KLF12: variants seen among roughly 807,000 people sequenced by gnomAD.
KLF12 encodes KLF transcription factor 12, also known as Krueppel-like factor 12.
KLF12 carries 9 observed loss-of-function variants against 37.8 expected under a neutral mutation model. That is an observed-to-expected ratio of 0.24 (90% CI 0.14 to 0.42). KLF12 has a LOEUF of 0.42. Among genes scored for constraint, KLF12 ranks in the 10% least tolerant of loss-of-function variants. KLF12 has a pLI of 1.00. For synonymous variants in KLF12, 208 were observed against 202.1 expected (o/e 1.03, Z -0.25); for missense variants, 411 against 516.0 (o/e 0.80, Z 1.97).
intron 6 of KLF12, among the ~76,000 whole-genome samples, chr13:73,735,180 C>T (rs183120889): frequency 6.6e-6 from 1 of 150,660 alleles, no homozygotes; most frequent in East Asian, 2.0e-4. Flanking sequence ...GCCTGTGGTC[C>T]CAGTAACTTG....
chr13:73,802,720 A>G (rs1490705938), intron 5 of KLF12, among the ~76,000 whole-genome samples: 2 of 152,258 alleles, frequency 1.3e-5, no homozygotes, highest in East Asian at 1.9e-4. Context: ...AACATGTGGT[A>G]TTTGGTTTTC....
the KLF12 span, among the ~76,000 whole-genome samples, chr13:74,283,984 C>T: frequency 6.6e-6 from 1 of 151,648 alleles, no homozygotes; most frequent in African/African-American, 2.4e-5. Flanking sequence ...CTCAGCCTCC[C>T]GTAGCTGGGA....
At chr13:74,018,524 T>C (rs1288551004) in intron 1 of KLF12, among the ~76,000 whole-genome samples, 2 of 152,230 alleles carry the variant, frequency 1.3e-5, no homozygotes, top group Non-Finnish European at 2.9e-5. Flanking sequence ...ACGGTGTATA[T>C]GTACTTCAAA....
chr13:74,222,536 C>A, the KLF12 span, among the ~76,000 whole-genome samples: 4,944 of 152,264 alleles, frequency 0.032, 118 homozygotes, highest in Middle Eastern at 0.071. Flanking sequence ...TACAGACCAA[C>A]TTTATTCCCC....
At chr13:73,956,646 C>A (rs1241504837) in intron 2 of KLF12, among the ~76,000 whole-genome samples, 1 of 152,158 alleles carries the variant, frequency 6.6e-6, no homozygotes, top group Non-Finnish European at 1.5e-5. Flanking sequence ...TTTGTCCAGG[C>A]ATGCTGGGTC....
chr13:73,757,249 G>A (rs1311410481), intron 6 of KLF12, among the ~76,000 whole-genome samples: 1 of 152,158 alleles, frequency 6.6e-6, no homozygotes, highest in African/African-American at 2.4e-5. Context: ...CAGCCCCTTA[G>A]CTATTAGTTA....
chr13:73,754,513 T>C (rs1005268040), intron 6 of KLF12, among the ~76,000 whole-genome samples: 1 of 152,160 alleles, frequency 6.6e-6, no homozygotes, highest in Non-Finnish European at 1.5e-5. Flanking sequence ...TGTAGTTTAG[T>C]GGTGCTTCTG....
chr13:74,080,159 C>T (rs1488986315), intron 1 of KLF12, among the ~76,000 whole-genome samples: 1 of 152,172 alleles, frequency 6.6e-6, no homozygotes, highest in Non-Finnish European at 1.5e-5. Flanking sequence ...AAGTTCCAAG[C>T]CAGGTGTGGT....
intron 5 of KLF12, among the ~76,000 whole-genome samples, chr13:73,811,391 T>C (rs1029412234): frequency 3.3e-5 from 5 of 152,224 alleles, no homozygotes; most frequent in Admixed American, 6.5e-5. Flanking sequence ...ATTATGTGAC[T>C]GGAAAAGTCA....
At chr13:74,299,937 G>T in the KLF12 span, among the ~76,000 whole-genome samples, 1 of 152,094 alleles carries the variant, frequency 6.6e-6, no homozygotes, top group African/African-American at 2.4e-5. Context: ...GCTTCTGGAA[G>T]TTCAGAAAGA....
intron 3 of KLF12, among the ~76,000 whole-genome samples, chr13:73,870,529 C>G (rs907275461): frequency 6.6e-5 from 10 of 152,168 alleles, no homozygotes; most frequent in African/African-American, 2.4e-4. Context: ...AAGGTAACTG[C>G]CAGACGGATG....
At chr13:74,135,546 CGAGCCGGAGGGTCGGCGGGGGCGGG>C (rs1418864875), upstream of KLF12, among the ~76,000 whole-genome samples, 77 of 151,242 alleles carry the variant, frequency 5.1e-4, no homozygotes, top group Non-Finnish European at 4.4e-4. Flanking sequence ...GGGTCAGCGC[CGAGCCGGAGGGTCGGCGGGGGCGGG>C]GAGCAGACGG....
chr13:73,860,804 T>C (rs1885888154), intron 3 of KLF12, among the ~76,000 whole-genome samples: 1 of 152,136 alleles, frequency 6.6e-6, no homozygotes, highest in African/African-American at 2.4e-5. Context: ...TTATAACATA[T>C]AAAAATGAAA....
chr13:73,959,661 T>C (rs1890958341), intron 2 of KLF12, among the ~76,000 whole-genome samples: 1 of 152,044 alleles, frequency 6.6e-6, no homozygotes, highest in Non-Finnish European at 1.5e-5. Flanking sequence ...TGTAAAATTA[T>C]ATATCTCATG....
At chr13:73,896,129 A>G (rs1185840258) in intron 3 of KLF12, among the ~76,000 whole-genome samples, 1 of 152,196 alleles carries the variant, frequency 6.6e-6, no homozygotes, top group Non-Finnish European at 1.5e-5. Flanking sequence ...TGGGAAGAAT[A>G]CAAAGTGATG....
the KLF12 span, among the ~76,000 whole-genome samples, chr13:74,152,691 TG>T: frequency 1.3e-5 from 2 of 151,954 alleles, no homozygotes; most frequent in Non-Finnish European, 2.9e-5. Flanking sequence ...AAGACAAGCC[TG>T]GGCAACATGG....
At chr13:74,183,915 G>A in the KLF12 span, among the ~76,000 whole-genome samples, 1 of 152,210 alleles carries the variant, frequency 6.6e-6, no homozygotes, top group South Asian at 2.1e-4. Context: ...TTCAACCTGG[G>A]TGATAGAGAG....
chr13:74,082,521 T>C (rs1684869075), intron 1 of KLF12, among the ~76,000 whole-genome samples: 1 of 152,164 alleles, frequency 6.6e-6, no homozygotes, highest in Non-Finnish European at 1.5e-5. Context: ...CAACCCTTTT[T>C]TTTCCAACCC....
intron 1 of KLF12, among the ~76,000 whole-genome samples, chr13:74,076,674 C>G (rs1874581747): frequency 6.6e-6 from 1 of 152,088 alleles, no homozygotes; most frequent in Admixed American, 6.6e-5. Context: ...TTTGAGGGTA[C>G]ATGTGAAAGT....
Sources: allele counts gnomAD v4.1 joint callset (sites outside exome capture counted in the v4.1 genomes callset), GRCh38; gene constraint gnomAD v4.1.1; transcripts MANE v1.5; gene names NCBI Gene and HGNC (gene_info 2026-07-23, HGNC 2026-07-21).